The following AFG2A variants were observed in gnomAD, a reference collection of about 807,000 sequenced individuals.
AFG2A encodes ATPase family gene 2 protein homolog A.
chr4:122,967,522 CA>C, the AFG2A span, among the ~76,000 whole-genome samples: 5 of 152,074 alleles, frequency 3.3e-5, no homozygotes, highest in African/African-American at 9.7e-5. Context: ...AATATTCTGG[CA>C]AATCAAAACT....
At chr4:123,235,878 A>AT in the AFG2A span, among the ~76,000 whole-genome samples, 4 of 152,222 alleles carry the variant, frequency 2.6e-5, no homozygotes, top group Non-Finnish European at 5.9e-5. Flanking sequence ...AGGAAATTAT[A>AT]TTTTTTAACT....
chr4:123,056,523 C>T, the AFG2A span: 4 of 1,141,134 alleles, frequency 3.5e-6, no homozygotes, highest in Non-Finnish European at 4.8e-6. Context: ...TTTTAGGTAA[C>T]AGACTTTGGC....
chr4:122,931,236 AT>A, the AFG2A span, among the ~76,000 whole-genome samples: 874 of 152,332 alleles, frequency 5.7e-3, 5 homozygotes, highest in Middle Eastern at 0.034. Flanking sequence ...ACAAAAGTAA[AT>A]GTAAGCATTT....
chr4:123,066,134 A>T, the AFG2A span, among the ~76,000 whole-genome samples: 1 of 152,202 alleles, frequency 6.6e-6, no homozygotes, highest in African/African-American at 2.4e-5. Flanking sequence ...GTTCTAAGCT[A>T]GCTTTCATTG....
the AFG2A span, among the ~76,000 whole-genome samples, chr4:122,961,769 T>G: frequency 6.6e-6 from 1 of 152,216 alleles, no homozygotes; most frequent in African/African-American, 2.4e-5. Flanking sequence ...CCTCCCAAAG[T>G]GCTGGGATTA....
chr4:123,149,649 C>T, the AFG2A span, among the ~76,000 whole-genome samples: 1 of 152,098 alleles, frequency 6.6e-6, no homozygotes, highest in East Asian at 1.9e-4. Flanking sequence ...CCCAATCCCA[C>T]CTCACATAGG....
At chr4:123,145,407 A>C in the AFG2A span, among the ~76,000 whole-genome samples, 2,308 of 152,200 alleles carry the variant, frequency 0.015, 22 homozygotes, top group African/African-American at 0.025. Flanking sequence ...CTTCAGATAA[A>C]ACTCACTGGT....
chr4:123,291,863 C>T, the AFG2A span, among the ~76,000 whole-genome samples: 5 of 152,176 alleles, frequency 3.3e-5, no homozygotes, highest in Non-Finnish European at 7.4e-5. Flanking sequence ...GTCCATTTTG[C>T]AATGAATCTC....
the AFG2A span, among the ~76,000 whole-genome samples, chr4:122,974,883 G>A: frequency 6.6e-5 from 10 of 151,888 alleles, no homozygotes; most frequent in African/African-American, 1.5e-4. Context: ...CAGGTGATCC[G>A]CTTGCCTTGG....
chr4:123,317,459 G>T, the AFG2A span: 1 of 152,166 alleles, frequency 6.6e-6, no homozygotes, highest in Admixed American at 6.5e-5. Flanking sequence ...TGCTTACCAA[G>T]GGCTTGTAAT....
At chr4:123,168,683 AT>A in the AFG2A span, among the ~76,000 whole-genome samples, 1 of 152,202 alleles carries the variant, frequency 6.6e-6, no homozygotes, top group African/African-American at 2.4e-5. Flanking sequence ...AGATACAAGC[AT>A]TTTATCCTTT....
chr4:123,237,396 C>T, the AFG2A span, among the ~76,000 whole-genome samples: 10 of 151,756 alleles, frequency 6.6e-5, no homozygotes, highest in Admixed American at 3.9e-4. Flanking sequence ...AATTCAATTA[C>T]GGGCTGGGCA....
chr4:123,183,933 T>TATTTATTC, the AFG2A span, among the ~76,000 whole-genome samples: 3 of 137,312 alleles, frequency 2.2e-5, no homozygotes, highest in Non-Finnish European at 3.0e-5. Flanking sequence ...CTTGCTTATT[T>TATTTATTC]ATTCATTCAT....
chr4:123,053,562 G>A, the AFG2A span, among the ~76,000 whole-genome samples: 3 of 152,350 alleles, frequency 2.0e-5, no homozygotes, highest in South Asian at 4.1e-4. Context: ...GTGCTTGACT[G>A]TAACAGGGGG....
the AFG2A span, among the ~76,000 whole-genome samples, chr4:122,970,715 C>T: frequency 6.6e-6 from 1 of 151,898 alleles, no homozygotes; most frequent in Non-Finnish European, 1.5e-5. Flanking sequence ...TAGGCCATAC[C>T]ATCTAGATTT....
At chr4:123,062,715 G>A in the AFG2A span, among the ~76,000 whole-genome samples, 2 of 152,154 alleles carry the variant, frequency 1.3e-5, no homozygotes, top group Non-Finnish European at 2.9e-5. Context: ...GCTTAGATTT[G>A]TGTATATAAA....
chr4:123,057,308 A>G, the AFG2A span: 1 of 1,591,124 alleles, frequency 6.3e-7, no homozygotes. Flanking sequence ...ATTTAATAGC[A>G]CTGCTATTAC....
chr4:123,189,809 C>CTTTTTTT, the AFG2A span, among the ~76,000 whole-genome samples: 131 of 61,758 alleles, frequency 2.1e-3, 15 homozygotes, highest in African/African-American at 5.1e-3. Flanking sequence ...AGGTCATTTG[C>CTTTTTTT]TTTTTTTTTT....
chr4:123,163,052 C>A, the AFG2A span, among the ~76,000 whole-genome samples: 1 of 152,160 alleles, frequency 6.6e-6, no homozygotes, highest in Admixed American at 6.5e-5. Flanking sequence ...TCAGACTGAC[C>A]TAGCTTTGAA....
Sources: allele counts gnomAD v4.1 joint callset (sites outside exome capture counted in the v4.1 genomes callset), GRCh38; gene constraint gnomAD v4.1.1; transcripts MANE v1.5; gene names NCBI Gene and HGNC (gene_info 2026-07-23, HGNC 2026-07-21).